The following PRKAR1A variants were observed in gnomAD, a reference collection of about 807,000 sequenced individuals.
PRKAR1A encodes the protein protein kinase cAMP-dependent type I regulatory subunit alpha.
Under a neutral mutation model 52.0 loss-of-function variants are expected in PRKAR1A, and 3 were observed. That is an observed-to-expected ratio of 0.06 (90% CI 0.03 to 0.15). The LOEUF is 0.15. PRKAR1A is among the 10% of genes least tolerant of loss of function. The probability of loss-of-function intolerance (pLI) is 1.00; values close to 1 mark genes in which losing one functional copy is unlikely to be tolerated. For missense variants in PRKAR1A, 240 were observed against 477.4 expected (o/e 0.50, Z 4.63); for synonymous variants, 188 against 168.4 (o/e 1.12, Z -0.90).
intron 9 of PRKAR1A, 130 bp downstream of exon 9, chr17:68,529,121 T>C (rs1478753102): frequency 9.5e-7 from 1 of 1,056,746 alleles, no homozygotes; most frequent in Non-Finnish European, 1.4e-6. Flanking sequence ...TTTTTAAGAA[T>C]ACCTGACCAT....
chr17:68,423,208 C>T, the PRKAR1A span, among the ~76,000 whole-genome samples: 1 of 152,194 alleles, frequency 6.6e-6, no homozygotes, highest in Admixed American at 6.5e-5. This position sits in a 1 kb window ranked among gnomAD's most constrained non-coding sequence, Gnocchi z 4.4. Flanking sequence ...CAGAGATTTG[C>T]AATAGGCATG....
intron 2 of PRKAR1A, among the ~76,000 whole-genome samples, chr17:68,517,017 A>G (rs2085455374): frequency 6.6e-6 from 1 of 152,214 alleles, no homozygotes; most frequent in Admixed American, 6.5e-5. Flanking sequence ...GGAGTGTTGA[A>G]TGTGTGATGC....
In PRKAR1A at chr17:68,531,043, T is replaced by A; in HGVS notation, c.*594T>A. On this transcript the variant is annotated 3_prime_UTR_variant, in exon 11 of 11. Transcript: ENST00000589228. ...TGGTTCAGTTTTTTTTTTTCCAGAGTTGTTGTTTGCCAAGCTAATCTGCCT... is the reference window on the plus strand; with the variant it reads ...TGGTTCAGTTTTTTTTTTTCCAGAGATGTTGTTTGCCAAGCTAATCTGCCT... 10 of 1,068,638 alleles carry A rather than the reference T, an allele frequency of 9.4e-6. No homozygotes were observed. The highest frequency in any genetic ancestry group is 1.1e-5 in the Non-Finnish European group (10 of 881,366). The allele number at this position is 1,068,638 out of a possible 1,614,324, so 66.2% of individuals were successfully genotyped here.
At chr17:68,470,270 C>T in the PRKAR1A span, among the ~76,000 whole-genome samples, 1 of 152,152 alleles carries the variant, frequency 6.6e-6, no homozygotes, top group Non-Finnish European at 1.5e-5. Flanking sequence ...TTAGTAGAGG[C>T]AGGGTTTCAC....
At chr17:68,435,937 G>T in the PRKAR1A span, among the ~76,000 whole-genome samples, 62 of 152,380 alleles carry the variant, frequency 4.1e-4, no homozygotes, top group East Asian at 0.011. Context: ...CCCTTGGGAA[G>T]GTGGCCACGA....
rs571241944 is a variant in PRKAR1A, at chr17:68,519,687, C to CTT, written c.178-3068_178-3067dup. Among the ~76,000 whole-genome samples, 25 of 148,188 alleles carry CTT rather than the reference C, an allele frequency of 1.7e-4. No homozygotes were observed. In the South Asian group the frequency reaches 5.2e-3, roughly 31 times the overall value. On this transcript the variant is annotated intron_variant, in intron 2 of 10. Coordinates refer to ENST00000589228, the MANE Select transcript of PRKAR1A (RefSeq NM_002734.5). ...CTCCATAAGAAATGTACCAAAAACT[C>CTT]TTGACAGTTGGTCTTTTGAAAGCTT...
chr17:68,478,285 C>G, the PRKAR1A span, among the ~76,000 whole-genome samples: 2 of 152,068 alleles, frequency 1.3e-5, no homozygotes, highest in East Asian at 1.9e-4. Context: ...AACCTTGTCT[C>G]TACTAAAATA....
At chr17:68,447,968 G>A in the PRKAR1A span, among the ~76,000 whole-genome samples, 1 of 122,458 alleles carries the variant, frequency 8.2e-6, no homozygotes, top group Admixed American at 9.9e-5. Context: ...CTGGGCAACA[G>A]AGTGAGACTC....
the PRKAR1A span, among the ~76,000 whole-genome samples, chr17:68,470,818 A>G: frequency 6.6e-6 from 1 of 152,238 alleles, no homozygotes; most frequent in Non-Finnish European, 1.5e-5. Context: ...GCTTCATTTC[A>G]TAGACAAAGA....
At chr17:68,461,745 C>A in the PRKAR1A span, among the ~76,000 whole-genome samples, 1 of 151,988 alleles carries the variant, frequency 6.6e-6, no homozygotes, top group African/African-American at 2.4e-5. This position sits in a 1 kb window ranked among gnomAD's most constrained non-coding sequence, Gnocchi z 4.6. Context: ...GACAATGGAG[C>A]CAAGAGGGAG....
the PRKAR1A span, among the ~76,000 whole-genome samples, chr17:68,437,005 A>ATAT: frequency 2.8e-4 from 30 of 107,188 alleles, no homozygotes; most frequent in African/African-American, 1.1e-3. Context: ...AAAAAAAAAA[A>ATAT]ATATATATAT....
chr17:68,492,239 G>T, the PRKAR1A span, among the ~76,000 whole-genome samples: 1 of 152,186 alleles, frequency 6.6e-6, no homozygotes, highest in East Asian at 1.9e-4. Flanking sequence ...CAGAAGAACA[G>T]GCAGTGCGGG....
the PRKAR1A span, among the ~76,000 whole-genome samples, chr17:68,475,605 A>G: frequency 6.6e-6 from 1 of 152,328 alleles, no homozygotes; most frequent in East Asian, 1.9e-4. Flanking sequence ...CTGGGACTAC[A>G]GGCGTGTGCC....
chr17:68,511,442 C>T (rs546403412), upstream of PRKAR1A, among the ~76,000 whole-genome samples: 2 of 152,302 alleles, frequency 1.3e-5, no homozygotes, highest in African/African-American at 4.8e-5. Context: ...GAATTTTCCC[C>T]ATTAGTGCAG....
the PRKAR1A span, chr17:68,421,654 A>T: frequency 7.2e-7 from 1 of 1,395,148 alleles, no homozygotes; most frequent in Non-Finnish European, 1.0e-6. Flanking sequence ...GCAGTGGAGC[A>T]CCCGGGATTC....
the PRKAR1A span, chr17:68,452,787 A>T: frequency 1.4e-6 from 1 of 728,524 alleles, no homozygotes. Context: ...AAAAATCTTG[A>T]CTCCCTAAGT....
intron 11 of PRKAR1A, chr17:68,539,249 A>C: frequency 7.4e-7 from 1 of 1,345,228 alleles, no homozygotes; most frequent in Admixed American, 1.7e-5. Context: ...GACCAGTGAA[A>C]ACTGGAAGCC....
At chr17:68,479,228 C>A in the PRKAR1A span, among the ~76,000 whole-genome samples, 13 of 152,118 alleles carry the variant, frequency 8.5e-5, no homozygotes, top group Non-Finnish European at 1.8e-4. Context: ...TTAATATTTT[C>A]TTTTGTTTTT....
rs2085987861 is a variant in PRKAR1A, at chr17:68,531,971, TCTC to T, written c.*1525_*1527del. ...CTAACTGACTCTGTTATTGATCCCT[TCTC>T]CTGCCCTTTCCCAGGTAATTTAAAT... On this transcript the variant is annotated 3_prime_UTR_variant, in exon 11 of 11. Coordinates refer to ENST00000589228, the MANE Select transcript of PRKAR1A (RefSeq NM_002734.5). The T allele has an allele frequency of 9.4e-7, 1 of 1,066,140 alleles. No homozygotes were observed. The highest frequency in any genetic ancestry group is 1.1e-6 in the Non-Finnish European group (1 of 879,558). The allele number at this position is 1,066,140 out of a possible 1,614,324, so 66.0% of individuals were successfully genotyped here.
Sources: allele counts gnomAD v4.1 joint callset (sites outside exome capture counted in the v4.1 genomes callset), GRCh38; gene constraint gnomAD v4.1.1; non-coding constraint Gnocchi (gnomAD v3.1); transcripts MANE v1.5; gene names NCBI Gene and HGNC (gene_info 2026-07-23, HGNC 2026-07-21).